The following ERICH3 variants were observed in gnomAD, a reference collection of about 807,000 sequenced individuals.
ERICH3 encodes glutamate rich 3, also known as glutamate-rich protein 3.
ERICH3 carries 126 observed loss-of-function variants against 131.1 expected under a neutral mutation model. The observed-to-expected ratio is 0.96, with a 90% CI of 0.83 to 1.11. ERICH3 has a LOEUF of 1.11. Among genes scored for constraint, ERICH3 ranks in the 50% most tolerant of loss-of-function variants. The probability of loss-of-function intolerance (pLI) is 0.00; values close to 1 mark genes in which losing one functional copy is unlikely to be tolerated. For synonymous variants in ERICH3, 695 were observed against 644.6 expected, an observed-to-expected ratio of 1.08 and a Z score of -1.18; for missense variants, 2,050 against 1,810.7, an observed-to-expected ratio of 1.13 and a Z score of -2.40.
At chr1:74,610,363 A>G (rs1273791006) in intron 9 of ERICH3, among the ~76,000 whole-genome samples, 1 of 149,758 alleles carries the variant, frequency 6.7e-6, no homozygotes, top group Non-Finnish European at 1.5e-5. Flanking sequence ...TGTTCCCAGC[A>G]CATCTATTAA....
upstream of ERICH3, among the ~76,000 whole-genome samples, chr1:74,674,228 C>A (rs1290409432): frequency 2.0e-5 from 3 of 152,168 alleles, no homozygotes; most frequent in Non-Finnish European, 4.4e-5. Flanking sequence ...GTCCCCACTT[C>A]CAGTGGGCAG....
At position 74,646,736 on chromosome 1, in the gene ERICH3, C is replaced by T; in HGVS notation, c.174G>A (p.Lys58=). 1.3e-6 allele frequency: 2 copies of T among 1,504,154 alleles called. No individual in the cohort carries two copies. The highest frequency in any genetic ancestry group is 2.0e-5 in the Admixed American group (1 of 50,956). The allele number at this position is 1,504,154 out of a possible 1,614,324, so 93.2% of individuals were successfully genotyped here. Residue 58 remains lysine, a synonymous_variant, in exon 3 of 15, where the codon AAG becomes AAA. Coordinates refer to ENST00000326665, the MANE Select transcript of ERICH3 (RefSeq NM_001002912.5). ...CCCGGATATATTTTTGATGATCCCG[C>T]TTCATCATATTTAGTTTATATTCTT... The part of the protein sequence containing the change: ...SEKEYKLNMM[K]RDHQKYIREC...
chr1:74,656,863 C>T (rs1368749899), intron 1 of ERICH3, among the ~76,000 whole-genome samples: 1 of 152,126 alleles, frequency 6.6e-6, no homozygotes, highest in Non-Finnish European at 1.5e-5. Context: ...TCACCACCTT[C>T]CACCAGAATT....
chr1:74,572,361 C>A lies in ERICH3; in HGVS notation c.3349G>T (p.Ala1117Ser), dbSNP rs766264276. Residue 1117 changes from alanine to serine, a missense_variant, in exon 14 of 15, where the codon GCT becomes TCT. Coordinates refer to ENST00000326665, the MANE Select transcript of ERICH3 (RefSeq NM_001002912.5). ...TEVRAEEETK[A>S]PPNEMGSDAE... ...TCAGATCCCATTTCATTTGGGGGAG[C>A]TTTTGTCTCTTCCTCAGCTCTTACT... The A allele has an allele frequency of 1.1e-5, 17 of 1,613,772 alleles. No individual in the cohort carries two copies. In the Admixed American group the frequency reaches 2.5e-4, roughly 24 times the overall value.
At chr1:74,599,631 CAAAG>C in intron 11 of ERICH3, 60 bp downstream of exon 11, 9 of 1,304,848 alleles carry the variant, frequency 6.9e-6, no homozygotes, top group Non-Finnish European at 9.4e-6. Flanking sequence ...AAATAGAAAA[CAAAG>C]AAAAGTAGTA....
intron 1 of ERICH3, among the ~76,000 whole-genome samples, chr1:74,664,620 A>G (rs1239194099): frequency 1.3e-5 from 2 of 152,170 alleles, no homozygotes; most frequent in Non-Finnish European, 2.9e-5. Context: ...ACTATGTGCA[A>G]TTTATATTGT....
intron 6 of ERICH3, among the ~76,000 whole-genome samples, chr1:74,634,502 G>A (rs1223041956): frequency 6.6e-6 from 1 of 151,968 alleles, no homozygotes; most frequent in Non-Finnish European, 1.5e-5. Flanking sequence ...CTATCCAGTG[G>A]CTCAGAACAG....
At chr1:74,611,709 C>T (rs1259717188) in intron 9 of ERICH3, among the ~76,000 whole-genome samples, 1 of 152,110 alleles carries the variant, frequency 6.6e-6, no homozygotes, top group Non-Finnish European at 1.5e-5. Context: ...TATGCTTTTC[C>T]TCTATCTCAA....
intron 12 of ERICH3, among the ~76,000 whole-genome samples, chr1:74,578,942 G>A (rs1647127229): frequency 1.3e-5 from 2 of 152,082 alleles, no homozygotes; most frequent in Admixed American, 6.5e-5. Context: ...AATGAAAAAG[G>A]GGAATAATAT....
rs148627432 is a variant in ERICH3, at chr1:74,644,319, T to C, written c.244-1221A>G. 2.8e-4 allele frequency among the ~76,000 whole-genome samples: 43 copies of C among 152,198 alleles called. No individual in the cohort carries two copies. The East Asian group carries it at 8.3e-3, about 29-fold the overall frequency. ...CCTTCCATTTATTCCCAACTCACTG[T>C]AGTCATCCACATCTACTGACTTGCC... On this transcript the variant is annotated intron_variant, in intron 3 of 14. Coordinates refer to ENST00000326665, the MANE Select transcript of ERICH3 (RefSeq NM_001002912.5).
intron 6 of ERICH3, chr1:74,634,839 G>A (rs2100627200): frequency 5.1e-6 from 3 of 589,454 alleles, no homozygotes; most frequent in East Asian, 2.9e-5. Context: ...TTCCCAAGAT[G>A]AGATGGGTGT....
Position 74,606,919 on chromosome 1 carries a change from C to T in ERICH3, c.1188-17G>A. 7 of 1,601,596 alleles carry T rather than the reference C, an allele frequency of 4.4e-6. No individual in the cohort carries two copies. Among genetic ancestry groups the T allele is most frequent in the Non-Finnish European group, 6.0e-6 (7 of 1,174,166 alleles). On this transcript the variant is annotated splice_polypyrimidine_tract_variant and intron_variant, in intron 9 of 14. Transcript: ENST00000326665. ...ATAATGCACCTATGAAAAATATTAG[C>T]AGGAAGTGTTTGTTAACCCTTGTAG...
intron 13 of ERICH3, among the ~76,000 whole-genome samples, chr1:74,574,105 C>A (rs1034922254): frequency 4.6e-5 from 7 of 151,616 alleles, no homozygotes; most frequent in African/African-American, 1.7e-4. Flanking sequence ...ATCTTCCTGC[C>A]TCAGCCTCTT....
chr1:74,585,180 A>T (rs1647273063), intron 12 of ERICH3, among the ~76,000 whole-genome samples: 3 of 152,342 alleles, frequency 2.0e-5, no homozygotes, highest in Middle Eastern at 6.8e-3. Flanking sequence ...CTATTAGAAC[A>T]TATTGCCAAG....
At chr1:74,670,762 G>A (rs1646734746) in intron 1 of ERICH3, among the ~76,000 whole-genome samples, 1 of 152,126 alleles carries the variant, frequency 6.6e-6, no homozygotes, top group Admixed American at 6.5e-5. Context: ...CAACCATAAG[G>A]TCTGACTGCC....
intron 9 of ERICH3, among the ~76,000 whole-genome samples, chr1:74,607,471 T>A (rs938020848): frequency 6.6e-6 from 1 of 152,022 alleles, no homozygotes; most frequent in Admixed American, 6.6e-5. Context: ...TATGATTGAT[T>A]TTTTAAAGAA....
chr1:74,672,379 G>A (rs1485655302), intron 1 of ERICH3, among the ~76,000 whole-genome samples: 1 of 152,158 alleles, frequency 6.6e-6, no homozygotes, highest in African/African-American at 2.4e-5. Flanking sequence ...TGTAATCATA[G>A]CTATATCACT....
At chr1:74,654,548 C>T (rs1161219643) in intron 1 of ERICH3, among the ~76,000 whole-genome samples, 1 of 152,024 alleles carries the variant, frequency 6.6e-6, no homozygotes, top group Non-Finnish European at 1.5e-5. Context: ...AAGACCCTCT[C>T]CCTTGTTTAC....
chr1:74,617,926 G>C (rs1384031809), intron 8 of ERICH3, among the ~76,000 whole-genome samples: 1 of 152,168 alleles, frequency 6.6e-6, no homozygotes, highest in Non-Finnish European at 1.5e-5. Flanking sequence ...TGAGTGTGGT[G>C]GCTAAAGCCT....
Sources: gnomAD v4.1 joint callset for allele counts (sites outside exome capture counted in the v4.1 genomes callset) on GRCh38, gnomAD v4.1.1 for gene constraint, MANE v1.5 for transcripts, NCBI Gene and HGNC (gene_info 2026-07-23, HGNC 2026-07-21) for gene names.